The following RTN4 variants were observed in gnomAD, a reference collection of about 807,000 sequenced individuals.
The protein encoded by RTN4 is reticulon-4.
A neutral mutation model predicts 90.4 loss-of-function variants in RTN4; 32 were observed. That is an observed-to-expected ratio of 0.35 (90% CI 0.27 to 0.48). RTN4 has a LOEUF of 0.48. Among genes scored for constraint, RTN4 ranks in the 20% least tolerant of loss-of-function variants. The pLI, the probability that RTN4 is intolerant of heterozygous loss-of-function variation, is 0.99. For missense variants in RTN4, 1,706 were observed against 1,430.2 expected (o/e 1.19, Z -3.11); for synonymous variants, 629 against 552.5 (o/e 1.14, Z -1.94).
chr2:54,985,678 G>C (rs1254881054), intron 4 of RTN4, among the ~76,000 whole-genome samples: 3 of 152,148 alleles, frequency 2.0e-5, no homozygotes, highest in Admixed American at 6.5e-5. Flanking sequence ...TCATCACAAA[G>C]AGAAAGCCAG....
Position 55,027,066 on chromosome 2 carries a change from C to G in RTN4, c.1033G>C (p.Glu345Gln). The G allele has an allele frequency of 6.2e-7, 1 of 1,613,380 alleles. No individual in the cohort carries two copies. Among genetic ancestry groups the G allele is most frequent in the Non-Finnish European group, 8.5e-7 (1 of 1,179,744 alleles). The change falls in exon 3 of 9, where the codon GAG becomes CAG. Residue 345 changes from glutamate to glutamine, a missense_variant. Transcript: ENST00000337526. ...VSNNILHNQQELPTALTKLVK... is the reference protein window; with the variant it reads ...VSNNILHNQQQLPTALTKLVK... ...AATTTAGTAAGAGCTGTAGGTAACT[C>G]TTGTTGATTATGAAGGATGTTATTA...
chr2:55,114,298 C>T (rs1668085735), upstream of RTN4, among the ~76,000 whole-genome samples: 1 of 152,140 alleles, frequency 6.6e-6, no homozygotes, highest in African/African-American at 2.4e-5. Context: ...CTCCACTTTG[C>T]AGTTTGAAAT....
At chr2:55,012,495 A>ATT (rs1409818065) in intron 3 of RTN4, among the ~76,000 whole-genome samples, 1 of 152,198 alleles carries the variant, frequency 6.6e-6, no homozygotes, top group Non-Finnish European at 1.5e-5. Context: ...TAAGTTTGGC[A>ATT]AGTTAAGCAA....
intron 1 of RTN4, among the ~76,000 whole-genome samples, chr2:55,098,856 A>G (rs989615921): frequency 3.0e-4 from 45 of 152,140 alleles, no homozygotes; most frequent in Non-Finnish European, 3.2e-4. Flanking sequence ...CATTCCCCCA[A>G]TGTAGTGCAA....
At chr2:55,078,481 G>C (rs1668644001) in intron 2 of RTN4, among the ~76,000 whole-genome samples, 1 of 152,122 alleles carries the variant, frequency 6.6e-6, no homozygotes, top group Non-Finnish European at 1.5e-5. Context: ...ACATTATAGA[G>C]AAGAAAAAAC....
chr2:54,993,877 A>T (rs148875599), intron 3 of RTN4, among the ~76,000 whole-genome samples: 1 of 152,208 alleles, frequency 6.6e-6, no homozygotes, highest in Non-Finnish European at 1.5e-5. Context: ...ACTGCCACCA[A>T]CCCCACTGTG....
intron 1 of RTN4, among the ~76,000 whole-genome samples, chr2:55,097,931 C>A (rs895578728): frequency 6.6e-6 from 1 of 152,030 alleles, no homozygotes; most frequent in African/African-American, 2.4e-5. Flanking sequence ...CATATGGAAG[C>A]CTTCAGCACT....
At chr2:55,039,968 T>C (rs2104934537) in intron 1 of RTN4, among the ~76,000 whole-genome samples, 2 of 152,256 alleles carry the variant, frequency 1.3e-5, no homozygotes, top group South Asian at 4.1e-4. Flanking sequence ...AAAATTTTAA[T>C]AAGGGAACAA....
chr2:55,095,992 A>G (rs949262549), intron 1 of RTN4, among the ~76,000 whole-genome samples: 3 of 152,104 alleles, frequency 2.0e-5, no homozygotes, highest in Admixed American at 6.5e-5. Flanking sequence ...TTATTGGGAG[A>G]GAGACTACAG....
chr2:55,135,394 A>G, the RTN4 span, among the ~76,000 whole-genome samples: 3 of 152,046 alleles, frequency 2.0e-5, no homozygotes, highest in Admixed American at 2.0e-4. Flanking sequence ...TTTAGTAGAG[A>G]TGGGATTTCA....
chr2:54,975,598 G>A (rs533412883), intron 5 of RTN4, among the ~76,000 whole-genome samples: 2 of 152,276 alleles, frequency 1.3e-5, no homozygotes, highest in South Asian at 2.1e-4. Flanking sequence ...CTTTAAAAAT[G>A]TACACCACCC....
At chr2:55,099,911 C>G (rs1196179166) in intron 1 of RTN4, among the ~76,000 whole-genome samples, 1 of 152,078 alleles carries the variant, frequency 6.6e-6, no homozygotes, top group Non-Finnish European at 1.5e-5. Context: ...TATTACTAGT[C>G]TCTTTCCAGC....
At chr2:55,024,561 T>C (rs1170873020) in intron 3 of RTN4, among the ~76,000 whole-genome samples, 1 of 152,130 alleles carries the variant, frequency 6.6e-6, no homozygotes, top group Non-Finnish European at 1.5e-5. Flanking sequence ...TTCAAAAGAA[T>C]TCATAATAGC....
upstream of RTN4, among the ~76,000 whole-genome samples, chr2:55,051,456 A>G (rs1302087225): frequency 9.2e-5 from 14 of 152,236 alleles, no homozygotes; most frequent in Admixed American, 7.2e-4. Context: ...AATAAGCATG[A>G]TCCCCATTCC....
At chr2:55,109,427 C>G (rs1171835341) in intron 1 of RTN4, among the ~76,000 whole-genome samples, 1 of 152,158 alleles carries the variant, frequency 6.6e-6, no homozygotes, top group Non-Finnish European at 1.5e-5. Flanking sequence ...GCAAATACCT[C>G]ATACTCCTTC....
the RTN4 span, among the ~76,000 whole-genome samples, chr2:55,134,690 GT>G: frequency 7.2e-5 from 11 of 152,094 alleles, no homozygotes; most frequent in African/African-American, 2.7e-4. Flanking sequence ...AGAGTTCTAG[GT>G]TTATAATCTA....
intron 1 of RTN4, among the ~76,000 whole-genome samples, chr2:55,033,643 C>G (rs143309198): frequency 6.6e-6 from 1 of 152,302 alleles, no homozygotes; most frequent in East Asian, 1.9e-4. Flanking sequence ...ACAGAGAAAA[C>G]ATATGTTAGA....
At position 55,025,556 on chromosome 2, in the gene RTN4, G is replaced by C. The variant is rs144867063; in HGVS notation, c.2543C>G (p.Ser848Cys). The part of the protein sequence containing the change: ...AVYSNDDLFI[S>C]KEAQIRETET... ...AGTTTCTCTTATCTGTGCTTCCTTAGAAATAAATAAGTCATCATTTGAATA... is the reference window on the plus strand; with the variant it reads ...AGTTTCTCTTATCTGTGCTTCCTTACAAATAAATAAGTCATCATTTGAATA... The change falls in exon 3 of 9, where the codon TCT becomes TGT. Residue 848 changes from serine (S) to cysteine (C), a missense_variant. Physicochemically the swap from Ser to Cys is moderately radical, Grantham distance 112. Transcript: ENST00000337526. The C allele has an allele frequency of 2.1e-4, 336 of 1,613,668 alleles. 1 individual carries two copies. In the African/African-American group the frequency reaches 4.1e-3, roughly 19 times the overall value.
intron 2 of RTN4, among the ~76,000 whole-genome samples, chr2:55,071,511 G>T (rs1668512197): frequency 7.6e-6 from 1 of 131,156 alleles, no homozygotes; most frequent in South Asian, 2.5e-4. Flanking sequence ...TAGAATTTGT[G>T]TTGCTGGTAT....
Sources: gnomAD v4.1 joint callset for allele counts (sites outside exome capture counted in the v4.1 genomes callset) on GRCh38, gnomAD v4.1.1 for gene constraint, MANE v1.5 for transcripts, NCBI Gene and HGNC (gene_info 2026-07-23, HGNC 2026-07-21) for gene names.